The following CAMTA1 variants were observed in gnomAD, a reference collection of about 807,000 sequenced individuals.
CAMTA1 encodes calmodulin-binding transcription activator 1.
In CAMTA1, 27 loss-of-function variants were observed where a neutral mutation model predicts 170.9. The observed-to-expected ratio is 0.16, with a 90% CI of 0.12 to 0.22. The LOEUF is 0.22. Ranked by LOEUF, CAMTA1 falls within the 10% of genes least tolerant of loss-of-function variation. CAMTA1 has a pLI of 1.00. For synonymous variants in CAMTA1, 833 were observed against 891.5 expected (o/e 0.93, Z 1.17); for missense variants, 1,619 against 2,217.2 (o/e 0.73, Z 5.42).
At chr1:7,505,079 C>T (rs1346293025) in intron 6 of CAMTA1, among the ~76,000 whole-genome samples, 1 of 152,188 alleles carries the variant, frequency 6.6e-6, no homozygotes, top group Non-Finnish European at 1.5e-5. Context: ...CAGTGTAGCG[C>T]ACAGCCTCCT....
intron 11 of CAMTA1, among the ~76,000 whole-genome samples, chr1:7,703,793 A>G (rs2096469186): frequency 6.6e-6 from 1 of 152,220 alleles, no homozygotes; most frequent in Non-Finnish European, 1.5e-5. Flanking sequence ...CAAACAGCAC[A>G]GGGAAAAAAG....
intron 5 of CAMTA1, among the ~76,000 whole-genome samples, chr1:7,257,506 A>G (rs999883200): frequency 1.3e-5 from 2 of 152,170 alleles, no homozygotes; most frequent in Admixed American, 1.3e-4. Flanking sequence ...TCCCAGCATG[A>G]ACTGCCCATT....
chr1:7,699,096 CTA>C (rs1243488401), intron 11 of CAMTA1, among the ~76,000 whole-genome samples: 1 of 152,188 alleles, frequency 6.6e-6, no homozygotes, highest in Non-Finnish European at 1.5e-5. Flanking sequence ...TCTCCTTTGT[CTA>C]TGTGTGTGTG....
At chr1:6,853,061 G>A (rs1321532541) in intron 3 of CAMTA1, 2 of 152,136 alleles carry the variant, frequency 1.3e-5, no homozygotes, top group South Asian at 2.1e-4. Flanking sequence ...GTATCACAGA[G>A]TTAATTACAC....
At chr1:7,605,033 C>G (rs1253634570) in intron 6 of CAMTA1, among the ~76,000 whole-genome samples, 2 of 152,124 alleles carry the variant, frequency 1.3e-5, no homozygotes, top group Non-Finnish European at 2.9e-5. Flanking sequence ...CTGATCATTC[C>G]TCTGGAAGTT....
intron 6 of CAMTA1, among the ~76,000 whole-genome samples, chr1:7,582,605 T>G (rs57067593): frequency 6.6e-6 from 1 of 152,072 alleles, no homozygotes; most frequent in Non-Finnish European, 1.5e-5. Flanking sequence ...TAACATCCAC[T>G]CCAGCAGCTT....
At chr1:7,276,289 ATATATATATATATATT>A (rs372963163) in intron 5 of CAMTA1, among the ~76,000 whole-genome samples, 16,385 of 53,300 alleles carry the variant, frequency 0.31, 1,751 homozygotes, top group Middle Eastern at 0.43. Flanking sequence ...ATATATATAT[ATATATATATATATATT>A]TTTTTTTTTT....
At chr1:7,661,507 T>C (rs1263037015) in intron 7 of CAMTA1, among the ~76,000 whole-genome samples, 1 of 152,126 alleles carries the variant, frequency 6.6e-6, no homozygotes, top group Non-Finnish European at 1.5e-5. Flanking sequence ...GAGGGGGAGC[T>C]AAAGAGCTCA....
chr1:6,910,434 C>T (rs564198003), intron 3 of CAMTA1, among the ~76,000 whole-genome samples: 5 of 152,324 alleles, frequency 3.3e-5, no homozygotes, highest in East Asian at 3.9e-4. Flanking sequence ...CAGGCTGGAA[C>T]GTAACTTTGC....
At chr1:7,659,017 C>G (rs979979644) in intron 7 of CAMTA1, among the ~76,000 whole-genome samples, 2 of 152,178 alleles carry the variant, frequency 1.3e-5, no homozygotes, top group Admixed American at 1.3e-4. Flanking sequence ...CCCCACCCAT[C>G]CCCCTTAGTG....
At chr1:6,966,927 G>A (rs1331279782) in intron 3 of CAMTA1, among the ~76,000 whole-genome samples, 3 of 146,184 alleles carry the variant, frequency 2.1e-5, no homozygotes, top group Admixed American at 6.8e-5. Flanking sequence ...CTTTTTTATT[G>A]TAAAAGATAC....
intron 1 of CAMTA1, among the ~76,000 whole-genome samples, chr1:6,818,625 CTT>C: frequency 6.6e-6 from 1 of 152,140 alleles, no homozygotes; most frequent in Middle Eastern, 3.4e-3. Flanking sequence ...GAACTGAACT[CTT>C]TATATTTTAT....
chr1:6,887,912 A>G lies in CAMTA1; in HGVS notation c.234+62702A>G. On this transcript the variant is annotated intron_variant, in intron 3 of 22. Transcript: ENST00000303635. This position sits in a 1 kb window ranked among gnomAD's most constrained non-coding sequence, Gnocchi z 4.1. ...TACTCTTGCCTCATCCGGAGTTATT[A>G]CGAAGGAGCTCCGCAGCCTGACTGA... 3 of 1,364,370 alleles carry G rather than the reference A, an allele frequency of 2.2e-6. No individual in the cohort carries two copies. Among genetic ancestry groups the G allele is most frequent in the South Asian group, 3.1e-5 (2 of 64,854 alleles). 84.5% of individuals were successfully genotyped at this position (1,364,370 alleles called of 1,614,324 possible).
chr1:7,074,682 G>A (rs553680493), intron 3 of CAMTA1, among the ~76,000 whole-genome samples: 1 of 152,300 alleles, frequency 6.6e-6, no homozygotes, highest in Non-Finnish European at 1.5e-5. Context: ...CAAGTGAAAT[G>A]GTAGGAATAG....
At chr1:7,655,768 C>CCTAT (rs2095897946) in intron 7 of CAMTA1, among the ~76,000 whole-genome samples, 1 of 152,190 alleles carries the variant, frequency 6.6e-6, no homozygotes, top group South Asian at 2.1e-4. Flanking sequence ...TGTACAAACA[C>CCTAT]CTATACACGC....
intron 3 of CAMTA1, among the ~76,000 whole-genome samples, chr1:6,999,883 C>T (rs1697950662): frequency 6.6e-6 from 1 of 152,178 alleles, no homozygotes; most frequent in Non-Finnish European, 1.5e-5. Flanking sequence ...TCCCTGATTT[C>T]AGTCTGCTTT....
Position 7,518,818 on chromosome 1 carries a change from G to T in CAMTA1, c.510+50917G>T, listed in dbSNP as rs1255013148. Among the ~76,000 whole-genome samples the T allele has an allele frequency of 2.0e-5, 3 of 152,014 alleles. No homozygotes were observed. The East Asian group carries it at 5.8e-4, about 29-fold the overall frequency. On this transcript the variant is annotated intron_variant, in intron 6 of 22. Coordinates refer to ENST00000303635, the MANE Select transcript of CAMTA1 (RefSeq NM_015215.4). ...TCCATCCCATGGGCAGAGGGAGCCT[G>T]GTGCATACTCATCTCCCTTCTGAGG...
chr1:7,347,172 G>A (rs534388327), intron 5 of CAMTA1, among the ~76,000 whole-genome samples: 1 of 152,178 alleles, frequency 6.6e-6, no homozygotes, highest in Non-Finnish European at 1.5e-5. Context: ...GGAGAGCGGC[G>A]GATGGTTCTC....
rs544341417 is a variant in CAMTA1, at chr1:7,459,170, C to T, written c.439-8660C>T. Among the ~76,000 whole-genome samples, 337 of 152,274 alleles carry T rather than the reference C, an allele frequency of 2.2e-3. 1 individual carries two copies. The highest frequency in any genetic ancestry group is 7.3e-3 in the African/African-American group (304 of 41,556). ...TGGGGAGGAAGGAGCAAGGGCTTTGCGGTCAGATGACGCTTGTTTGAATCC... is the reference window on the plus strand; with the variant it reads ...TGGGGAGGAAGGAGCAAGGGCTTTGTGGTCAGATGACGCTTGTTTGAATCC... On this transcript the variant is annotated intron_variant, in intron 5 of 22. Transcript: ENST00000303635.
Sources: allele counts gnomAD v4.1 joint callset (sites outside exome capture counted in the v4.1 genomes callset), GRCh38; gene constraint gnomAD v4.1.1; non-coding constraint Gnocchi (gnomAD v3.1); transcripts MANE v1.5; gene names NCBI Gene and HGNC (gene_info 2026-07-23, HGNC 2026-07-21).